RALYL: variants seen among roughly 807,000 people sequenced by gnomAD.
RALYL encodes RNA-binding Raly-like protein.
Under a neutral mutation model 35.1 loss-of-function variants are expected in RALYL, and 29 were observed. The observed-to-expected ratio is 0.83, with a 90% CI of 0.61 to 1.13. RALYL has a LOEUF of 1.13. Among genes scored for constraint, RALYL ranks in the 50% most tolerant of loss-of-function variants. The pLI, the probability that RALYL is intolerant of heterozygous loss-of-function variation, is 0.00. For missense variants in RALYL, 359 were observed against 360.4 expected (o/e 1.00, Z 0.03); for synonymous variants, 120 against 127.6 (o/e 0.94, Z 0.40).
intron 1 of RALYL, among the ~76,000 whole-genome samples, chr8:84,501,523 T>G (rs973428217): frequency 5.9e-5 from 9 of 152,038 alleles, no homozygotes; most frequent in Non-Finnish European, 1.3e-4. Context: ...GATGTCATGG[T>G]CATTTCCATA....
chr8:84,877,154 T>C (rs1202494039), intron 7 of RALYL, among the ~76,000 whole-genome samples: 1 of 152,210 alleles, frequency 6.6e-6, no homozygotes, highest in Non-Finnish European at 1.5e-5. Context: ...AAAAGAAACT[T>C]AATGTCTAAT....
chr8:84,892,916 A>G (rs1188116421), intron 8 of RALYL, among the ~76,000 whole-genome samples: 1 of 152,224 alleles, frequency 6.6e-6, no homozygotes, highest in Non-Finnish European at 1.5e-5. Flanking sequence ...CTATACATAC[A>G]CTATGAAACC....
chr8:84,705,902 G>C (rs774599535), intron 2 of RALYL: 12 of 1,480,240 alleles, frequency 8.1e-6, no homozygotes, highest in South Asian at 5.5e-5. Context: ...GGCTTTCACT[G>C]TGTGATTGCT....
chr8:84,349,686 A>C (rs1301374501), intron 1 of RALYL, among the ~76,000 whole-genome samples: 1 of 150,574 alleles, frequency 6.6e-6, no homozygotes, highest in Non-Finnish European at 1.5e-5. Context: ...GTTCATTATA[A>C]TATGCTTATT....
At chr8:84,539,710 G>T (rs1185340631) in intron 2 of RALYL, among the ~76,000 whole-genome samples, 2 of 151,496 alleles carry the variant, frequency 1.3e-5, no homozygotes, top group African/African-American at 4.8e-5. Flanking sequence ...GTATTTGATA[G>T]TGAAAAAGAT....
intron 2 of RALYL, among the ~76,000 whole-genome samples, chr8:84,698,977 A>G (rs1393812970): frequency 6.6e-6 from 1 of 151,542 alleles, no homozygotes; most frequent in East Asian, 1.9e-4. Flanking sequence ...ACCACTCACA[A>G]CCCTGTGGCT....
intron 1 of RALYL, among the ~76,000 whole-genome samples, chr8:84,513,527 A>T (rs1296473062): frequency 6.6e-6 from 1 of 152,184 alleles, no homozygotes; most frequent in Non-Finnish European, 1.5e-5. Context: ...ATAAACATGT[A>T]ATCTCAAGTA....
chr8:84,729,301 T>G (rs1173363287), intron 2 of RALYL, among the ~76,000 whole-genome samples: 3 of 152,114 alleles, frequency 2.0e-5, no homozygotes, highest in African/African-American at 7.2e-5. Flanking sequence ...ATAAGAATGC[T>G]TGTGATTTTT....
At chr8:84,358,032 A>G (rs540252323) in intron 1 of RALYL, among the ~76,000 whole-genome samples, 2 of 151,824 alleles carry the variant, frequency 1.3e-5, no homozygotes, top group Non-Finnish European at 2.9e-5. Flanking sequence ...ATTTTGAAGA[A>G]TACATTAGTA....
chr8:84,403,482 T>C (rs939898065), intron 1 of RALYL, among the ~76,000 whole-genome samples: 5 of 151,388 alleles, frequency 3.3e-5, no homozygotes, highest in Non-Finnish European at 7.4e-5. Context: ...TGAGTGGTGT[T>C]ATTTCTGAGG....
intron 1 of RALYL, among the ~76,000 whole-genome samples, chr8:84,318,152 GA>G (rs1188394036): frequency 9.2e-5 from 14 of 152,086 alleles, no homozygotes; most frequent in Admixed American, 9.2e-4. Context: ...TTCTGTTAAA[GA>G]CGTATTAAGA....
chr8:84,696,251 T>TAA (rs918899934), intron 2 of RALYL, among the ~76,000 whole-genome samples: 4 of 144,768 alleles, frequency 2.8e-5, no homozygotes, highest in African/African-American at 1.0e-4. Flanking sequence ...TGTTAAAATT[T>TAA]AAAAAAAAAA....
intron 2 of RALYL, among the ~76,000 whole-genome samples, chr8:84,635,687 G>A (rs1475377385): frequency 6.6e-6 from 1 of 151,708 alleles, no homozygotes; most frequent in East Asian, 1.9e-4. Context: ...TCTTTCTTTA[G>A]ATCCAGGAGA....
chr8:84,227,056 C>CTGT (rs1339312668), intron 1 of RALYL, among the ~76,000 whole-genome samples: 2 of 81,890 alleles, frequency 2.4e-5, no homozygotes, highest in Admixed American at 1.8e-4. Context: ...AATTGTATTT[C>CTGT]TTTTTTTTTT....
chr8:84,338,298 T>TTAGAGA (rs1848187494), intron 1 of RALYL, among the ~76,000 whole-genome samples: 1 of 152,032 alleles, frequency 6.6e-6, no homozygotes, highest in South Asian at 2.1e-4. Context: ...TCCTGTTCTT[T>TTAGAGA]AATATATTGT....
At chr8:84,566,840 A>G (rs145677817) in intron 2 of RALYL, among the ~76,000 whole-genome samples, 79 of 151,718 alleles carry the variant, frequency 5.2e-4, no homozygotes, top group African/African-American at 1.8e-3. Flanking sequence ...CTTGGCCCCA[A>G]TTTTCCCAGC....
At chr8:84,514,090 T>TAAAAAAAAAAAAAAAAAAAAAAAAAAAAA (rs57881021) in intron 1 of RALYL, among the ~76,000 whole-genome samples, 45 of 41,086 alleles carry the variant, frequency 1.1e-3, no homozygotes, top group South Asian at 1.8e-3. Flanking sequence ...AGATTTCATC[T>TAAAAAAAAAAAAAAAAAAAAAAAAAAAAA]AAAAAAAAAA....
chr8:84,604,309 G>T (rs1446105749), intron 2 of RALYL, among the ~76,000 whole-genome samples: 1 of 152,220 alleles, frequency 6.6e-6, no homozygotes, highest in East Asian at 1.9e-4. Context: ...ATACAAGAAA[G>T]ACCTCGATTT....
intron 2 of RALYL, among the ~76,000 whole-genome samples, chr8:84,743,246 G>A (rs1807793154): frequency 6.6e-6 from 1 of 151,860 alleles, no homozygotes; most frequent in Non-Finnish European, 1.5e-5. Context: ...CCTGACACAG[G>A]ATAAAGCTAA....
Sources: gnomAD v4.1 joint callset for allele counts (sites outside exome capture counted in the v4.1 genomes callset) on GRCh38, gnomAD v4.1.1 for gene constraint, MANE v1.5 for transcripts, NCBI Gene and HGNC (gene_info 2026-07-23, HGNC 2026-07-21) for gene names.